The following TEX14 variants were observed in gnomAD, a reference collection of about 807,000 sequenced individuals.
TEX14 encodes the protein inactive serine/threonine-protein kinase TEX14.
In TEX14, 168 loss-of-function variants were observed where a neutral mutation model predicts 178.6. That is an observed-to-expected ratio of 0.94 (90% CI 0.83 to 1.07). The LOEUF (loss-of-function observed/expected upper bound fraction) is 1.07, where lower values mean the gene tolerates loss of function less well. TEX14 is among the 50% of genes least tolerant of loss of function. The pLI, the probability that TEX14 is intolerant of heterozygous loss-of-function variation, is 0.00. For synonymous variants in TEX14, 626 were observed against 634.1 expected, an observed-to-expected ratio of 0.99 and a Z score of 0.19; for missense variants, 1,730 against 1,753.6, an observed-to-expected ratio of 0.99 and a Z score of 0.24.
intron 1 of TEX14, chr17:58,659,353 C>A: frequency 1.0e-6 from 1 of 983,192 alleles, no homozygotes; most frequent in Non-Finnish European, 1.2e-6. Context: ...CAACACACAA[C>A]ATACTCATGG....
Position 58,596,357 on chromosome 17 carries a change from C to G in TEX14, c.2469+2519G>C, listed in dbSNP as rs563868497. Among the ~76,000 whole-genome samples, 7 of 152,244 alleles carry G rather than the reference C, an allele frequency of 4.6e-5. No individual in the cohort carries two copies. In the East Asian group the frequency reaches 7.8e-4, roughly 17 times the overall value. ...AGTGCTGTCACATGATTTCAGCTCA[C>G]TGTAATCTCAACTTCCTGAGCTCAG... On this transcript the variant is annotated intron_variant, in intron 14 of 31. Coordinates refer to ENST00000349033, the MANE Select transcript of TEX14 (RefSeq NM_031272.5).
chr17:58,622,448 A>C (rs2046020965), intron 4 of TEX14, among the ~76,000 whole-genome samples: 1 of 152,100 alleles, frequency 6.6e-6, no homozygotes, highest in Non-Finnish European at 1.5e-5. Flanking sequence ...AAAAAAAAAA[A>C]AAAAATTCCC....
At chr17:58,597,617 TG>T (rs2045320852) in intron 14 of TEX14, among the ~76,000 whole-genome samples, 2 of 152,156 alleles carry the variant, frequency 1.3e-5, no homozygotes, top group Non-Finnish European at 2.9e-5. Flanking sequence ...TTTATATCAC[TG>T]GGCTTGAGCT....
chr17:58,592,136 T>G (rs974071877), intron 15 of TEX14, among the ~76,000 whole-genome samples: 1 of 151,848 alleles, frequency 6.6e-6, no homozygotes, highest in African/African-American at 2.4e-5. Context: ...CTAACTAAAT[T>G]TAAACCAAAA....
At chr17:58,641,836 C>T (rs581903) in intron 2 of TEX14, among the ~76,000 whole-genome samples, 36,479 of 152,084 alleles carry the variant, frequency 0.24, 5,285 homozygotes, top group Middle Eastern at 0.41. Flanking sequence ...TCCATTATCT[C>T]ATTTAATCCT....
At chr17:58,609,962 G>T (rs1430132389) in intron 10 of TEX14, among the ~76,000 whole-genome samples, 2 of 152,230 alleles carry the variant, frequency 1.3e-5, no homozygotes, top group Non-Finnish European at 2.9e-5. Context: ...GTAAGAGGAA[G>T]TAGGTGGGTC....
chr17:58,594,894 A>G (rs2045243142), intron 14 of TEX14, among the ~76,000 whole-genome samples: 1 of 152,216 alleles, frequency 6.6e-6, no homozygotes, highest in African/African-American at 2.4e-5. Flanking sequence ...TATATTTCCT[A>G]GCCTACAGCA....
chr17:58,599,219 G>A lies in TEX14; in HGVS notation c.2126C>T (p.Thr709Ile). ...SLSSLSLPES[T>I]REAKSNLNNM... ...GTTCAAATTGCTCTTGGCTTCTCTGGTTGACTCAGGAAGGCTGAGTGAACT... is the reference window on the plus strand; with the variant it reads ...GTTCAAATTGCTCTTGGCTTCTCTGATTGACTCAGGAAGGCTGAGTGAACT... Residue 709 changes from threonine to isoleucine, a missense_variant, in exon 14 of 32, where the codon ACC becomes ATC. Around this residue, in one of 2 missense-constraint regions of TEX14, gnomAD observed 941 missense variants for 1,072.4 expected, o/e 0.88. Coordinates refer to ENST00000349033, the MANE Select transcript of TEX14 (RefSeq NM_031272.5). The A allele has an allele frequency of 6.2e-7, 1 of 1,614,012 alleles. No homozygotes were observed. Among genetic ancestry groups the A allele is most frequent in the Non-Finnish European group, 8.5e-7 (1 of 1,180,020 alleles).
At chr17:58,575,363 G>C (rs2044652494) in intron 21 of TEX14, among the ~76,000 whole-genome samples, 1 of 152,076 alleles carries the variant, frequency 6.6e-6, no homozygotes, top group East Asian at 1.9e-4. Flanking sequence ...TGATCTGCCT[G>C]CCTCGGCCTC....
At chr17:58,570,678 T>G (rs1399324792) in intron 24 of TEX14, among the ~76,000 whole-genome samples, 194 bp from the exon 25 acceptor site, 1 of 130,912 alleles carries the variant, frequency 7.6e-6, no homozygotes, top group East Asian at 2.5e-4. Flanking sequence ...CAGGCTGGAG[T>G]GCAGTGGCAC....
chr17:58,642,221 T>G (rs1009025515), intron 2 of TEX14, among the ~76,000 whole-genome samples: 5 of 152,188 alleles, frequency 3.3e-5, no homozygotes, highest in Non-Finnish European at 7.3e-5. Flanking sequence ...TGCTGTAAAT[T>G]TCCTACCAGG....
intron 15 of TEX14, among the ~76,000 whole-genome samples, chr17:58,588,346 T>G (rs972543259): frequency 1.3e-5 from 2 of 152,168 alleles, no homozygotes; most frequent in Non-Finnish European, 2.9e-5. Flanking sequence ...CACCCAGGAG[T>G]GCAGTGGTAC....
intron 26 of TEX14, among the ~76,000 whole-genome samples, chr17:58,566,555 T>C (rs150630763): frequency 6.6e-6 from 1 of 152,232 alleles, no homozygotes; most frequent in African/African-American, 2.4e-5. Flanking sequence ...TCCCAGCATT[T>C]TGGGAGGCCG....
chr17:58,675,195 A>G (rs2047376232), intron 1 of TEX14: 1 of 152,198 alleles, frequency 6.6e-6, no homozygotes, highest in Non-Finnish European at 1.5e-5. Context: ...AATATGTTCA[A>G]TATTCTTAGC....
intron 1 of TEX14, chr17:58,661,260 AT>A: frequency 2.5e-6 from 2 of 800,706 alleles, no homozygotes; most frequent in Admixed American, 1.7e-5. Flanking sequence ...TGAGTTAAGT[AT>A]TTTATAAAGT....
chr17:58,626,741 C>T (rs944481019), intron 3 of TEX14, among the ~76,000 whole-genome samples: 6 of 151,626 alleles, frequency 4.0e-5, no homozygotes, highest in South Asian at 4.2e-4. Flanking sequence ...TGTGGTGGCA[C>T]GCGCCTGTAG....
chr17:58,648,776 C>CT (rs953479856), intron 2 of TEX14, among the ~76,000 whole-genome samples: 8 of 133,242 alleles, frequency 6.0e-5, no homozygotes, highest in Admixed American at 3.2e-4. Context: ...CTGTGAATTT[C>CT]TTTTTTTTTC....
At chr17:58,668,374 CT>C (rs1170618628) in intron 1 of TEX14, among the ~76,000 whole-genome samples, 5 of 152,198 alleles carry the variant, frequency 3.3e-5, no homozygotes. Flanking sequence ...CTACCAAAGC[CT>C]CTTCTACTGA....
At chr17:58,650,032 G>A (rs1288232800) in intron 2 of TEX14, among the ~76,000 whole-genome samples, 4 of 151,286 alleles carry the variant, frequency 2.6e-5, no homozygotes, top group Non-Finnish European at 4.4e-5. Flanking sequence ...GTGCCACTGC[G>A]CCCAGCCCAG....
Sources: allele counts gnomAD v4.1 joint callset (sites outside exome capture counted in the v4.1 genomes callset), GRCh38; gene constraint gnomAD v4.1.1; regional missense constraint gnomAD v4.1.1; transcripts MANE v1.5; gene names NCBI Gene and HGNC (gene_info 2026-07-23, HGNC 2026-07-21).